POFUT3: variants seen among roughly 807,000 people sequenced by gnomAD.
POFUT3 encodes GDP-fucose protein O-fucosyltransferase 3.
the POFUT3 span, among the ~76,000 whole-genome samples, chr8:33,396,565 C>G: frequency 1.3e-5 from 2 of 152,288 alleles, no homozygotes; most frequent in South Asian, 2.1e-4. Context: ...CCCTTCTCTT[C>G]ATCCATCTGG....
the POFUT3 span, among the ~76,000 whole-genome samples, chr8:33,454,663 T>G: frequency 8.6e-5 from 13 of 151,340 alleles, no homozygotes; most frequent in Admixed American, 8.6e-4. Flanking sequence ...TATCCAGAAA[T>G]AGTTTTGCCT....
chr8:33,436,551 A>ATCTT, the POFUT3 span: 2 of 951,334 alleles, frequency 2.1e-6, no homozygotes, highest in African/African-American at 3.2e-5. Flanking sequence ...TGCGTATGGC[A>ATCTT]TCTTCCTCTG....
the POFUT3 span, among the ~76,000 whole-genome samples, chr8:33,414,241 C>T: frequency 1.3e-5 from 2 of 152,154 alleles, no homozygotes; most frequent in East Asian, 1.9e-4. Context: ...CCGAGATTGC[C>T]TGGGAGACTT....
chr8:33,351,196 C>A, the POFUT3 span, among the ~76,000 whole-genome samples: 1 of 152,148 alleles, frequency 6.6e-6, no homozygotes, highest in African/African-American at 2.4e-5. Context: ...CTCAGGTGAT[C>A]CACCCACCTC....
chr8:33,381,618 T>C, the POFUT3 span, among the ~76,000 whole-genome samples: 1 of 152,222 alleles, frequency 6.6e-6, no homozygotes, highest in Non-Finnish European at 1.5e-5. Flanking sequence ...AAGGATGTCT[T>C]ATGCTAGAAA....
chr8:33,361,811 C>T, the POFUT3 span, among the ~76,000 whole-genome samples: 1 of 152,096 alleles, frequency 6.6e-6, no homozygotes, highest in African/African-American at 2.4e-5. Flanking sequence ...TTCCTGAATA[C>T]ATTTTTTTCC....
At chr8:33,443,421 G>A in the POFUT3 span, among the ~76,000 whole-genome samples, 2 of 152,290 alleles carry the variant, frequency 1.3e-5, no homozygotes, top group Admixed American at 1.3e-4. Context: ...GCTTTCAGGT[G>A]TTTCATCTGT....
At chr8:33,396,767 A>G in the POFUT3 span, among the ~76,000 whole-genome samples, 1 of 152,234 alleles carries the variant, frequency 6.6e-6, no homozygotes. Context: ...AGACCCAGGT[A>G]ACCACAAAGA....
chr8:33,326,178 C>G, the POFUT3 span, among the ~76,000 whole-genome samples: 1 of 152,172 alleles, frequency 6.6e-6, no homozygotes. Context: ...TCCAGAGGGT[C>G]TTTCATCCTC....
the POFUT3 span, among the ~76,000 whole-genome samples, chr8:33,345,545 C>T: frequency 1.9e-4 from 28 of 150,914 alleles, no homozygotes; most frequent in Non-Finnish European, 2.2e-4. Flanking sequence ...GGATTATAGG[C>T]GCCTGCCACC....
chr8:33,353,611 C>A, the POFUT3 span, among the ~76,000 whole-genome samples: 1 of 152,140 alleles, frequency 6.6e-6, no homozygotes, highest in Non-Finnish European at 1.5e-5. Context: ...GCAACTTCAA[C>A]AGAGCCCCTG....
chr8:33,428,572 T>C, the POFUT3 span, among the ~76,000 whole-genome samples: 6 of 152,180 alleles, frequency 3.9e-5, no homozygotes, highest in Non-Finnish European at 7.3e-5. Flanking sequence ...AAAACCATCT[T>C]GATTAGTACA....
the POFUT3 span, among the ~76,000 whole-genome samples, chr8:33,423,994 C>T: frequency 6.6e-6 from 1 of 151,866 alleles, no homozygotes; most frequent in African/African-American, 2.4e-5. Flanking sequence ...CAAAAATTAG[C>T]TGGGCATGGT....
At chr8:33,349,458 C>T in the POFUT3 span, among the ~76,000 whole-genome samples, 1 of 152,098 alleles carries the variant, frequency 6.6e-6, no homozygotes, top group African/African-American at 2.4e-5. Context: ...ACTAAGACCC[C>T]AAAGTCCATT....
chr8:33,386,787 G>C, the POFUT3 span, among the ~76,000 whole-genome samples: 6 of 152,184 alleles, frequency 3.9e-5, no homozygotes, highest in South Asian at 2.1e-4. Flanking sequence ...TCCAGCCAGA[G>C]AGACAGAGGG....
At chr8:33,466,387 C>G in the POFUT3 span, among the ~76,000 whole-genome samples, 2 of 151,950 alleles carry the variant, frequency 1.3e-5, no homozygotes, top group East Asian at 3.9e-4. Context: ...CATGATTATG[C>G]CACTGTACTC....
At chr8:33,370,402 G>T in the POFUT3 span, among the ~76,000 whole-genome samples, 1 of 152,000 alleles carries the variant, frequency 6.6e-6, no homozygotes, top group East Asian at 1.9e-4. Flanking sequence ...TGTACTGAAG[G>T]GCTAAGCAAA....
chr8:33,316,961 G>C, the POFUT3 span, among the ~76,000 whole-genome samples: 2 of 152,008 alleles, frequency 1.3e-5, no homozygotes, highest in African/African-American at 4.8e-5. Context: ...GTGTAAAGTA[G>C]TGGTTCAATG....
At chr8:33,440,428 A>G in the POFUT3 span, among the ~76,000 whole-genome samples, 446 of 152,284 alleles carry the variant, frequency 2.9e-3, 4 homozygotes, top group African/African-American at 0.01. Context: ...TGCTGTGTAC[A>G]TATCTCATGA....
Sources: gnomAD v4.1 joint callset for allele counts (sites outside exome capture counted in the v4.1 genomes callset) on GRCh38, gnomAD v4.1.1 for gene constraint, MANE v1.5 for transcripts, NCBI Gene and HGNC (gene_info 2026-07-23, HGNC 2026-07-21) for gene names.